The following KLHDC4 variants were observed in gnomAD, a reference collection of about 807,000 sequenced individuals.
The protein encoded by KLHDC4 is kelch domain containing 4, also known as kelch domain-containing protein 4.
A neutral mutation model predicts 62.4 loss-of-function variants in KLHDC4; 90 were observed. That is an observed-to-expected ratio of 1.44 (90% CI 1.22 to 1.72). The LOEUF (loss-of-function observed/expected upper bound fraction) is 1.72. Ranked by LOEUF, KLHDC4 falls within the 40% of genes most tolerant of loss-of-function variation. The pLI is 0.00. For missense variants in KLHDC4, 1,025 were observed against 699.7 expected, an observed-to-expected ratio of 1.47 and a Z score of -5.25; for synonymous variants, 386 against 284.4, an observed-to-expected ratio of 1.36 and a Z score of -3.59.
downstream of KLHDC4, among the ~76,000 whole-genome samples, chr16:87,706,008 A>G (rs544990422): frequency 4.5e-4 from 67 of 148,160 alleles, no homozygotes; most frequent in Non-Finnish European, 7.2e-4. Flanking sequence ...TGCAGCTCTC[A>G]GGGGGTTGGC....
chr16:87,747,253 A>G (rs1470605838), intron 5 of KLHDC4, among the ~76,000 whole-genome samples: 1 of 151,780 alleles, frequency 6.6e-6, no homozygotes, highest in Non-Finnish European at 1.5e-5. Context: ...GCATTCTATC[A>G]CAGAGACTTC....
At chr16:87,760,743 A>G (rs1457502697) in intron 2 of KLHDC4, among the ~76,000 whole-genome samples, 2 of 151,838 alleles carry the variant, frequency 1.3e-5, no homozygotes, top group Non-Finnish European at 2.9e-5. Context: ...ATGAAAATGT[A>G]CATTTACAGC....
At chr16:87,731,979 G>T (rs939906916) in intron 5 of KLHDC4, among the ~76,000 whole-genome samples, 1 of 152,212 alleles carries the variant, frequency 6.6e-6, no homozygotes, top group African/African-American at 2.4e-5. Flanking sequence ...GGTGAGATCC[G>T]TCTTCGGCCC....
At chr16:87,706,875 G>A (rs1349823261), downstream of KLHDC4, among the ~76,000 whole-genome samples, 2 of 152,200 alleles carry the variant, frequency 1.3e-5, no homozygotes, top group African/African-American at 2.4e-5. Flanking sequence ...CAAGGGAGCG[G>A]GGAGGTGCTC....
downstream of KLHDC4, among the ~76,000 whole-genome samples, chr16:87,706,370 T>G (rs1185181511): frequency 4.1e-5 from 2 of 48,884 alleles, no homozygotes; most frequent in African/African-American, 1.6e-4. Context: ...CTGCAGCCCT[T>G]GGGGGGGTCG....
chr16:87,704,651 G>A (rs1567634153), downstream of KLHDC4, among the ~76,000 whole-genome samples: 1 of 152,104 alleles, frequency 6.6e-6, no homozygotes. Flanking sequence ...GGGCATCTTG[G>A]TATTTGGTCC....
At chr16:87,722,460 C>T (rs932432812) in intron 7 of KLHDC4, among the ~76,000 whole-genome samples, 2 of 151,316 alleles carry the variant, frequency 1.3e-5, no homozygotes, top group Admixed American at 1.3e-4. Flanking sequence ...TGAACCCGAG[C>T]TCTTCACATG....
chr16:87,753,022 C>CA (rs756870505), intron 4 of KLHDC4, among the ~76,000 whole-genome samples: 1 of 152,228 alleles, frequency 6.6e-6, no homozygotes, highest in Non-Finnish European at 1.5e-5. Context: ...CCAGCCCCTG[C>CA]AGGCAGCTCC....
chr16:87,756,549 C>G (rs2044949849), intron 2 of KLHDC4, 72 bp from the exon 3 acceptor site: 2 of 1,094,558 alleles, frequency 1.8e-6, no homozygotes, highest in Middle Eastern at 2.0e-4. Context: ...CCCTTCCTCA[C>G]AGAATCCTCT....
chr16:87,701,743 G>GCTC, exon 1 of KLHDC4: 1 of 456,718 alleles, frequency 2.2e-6, no homozygotes, highest in Non-Finnish European at 4.4e-6. Flanking sequence ...GGCCTATGCC[G>GCTC]CCCGCCCGTC....
chr16:87,749,410 C>T (rs917666824), intron 4 of KLHDC4, among the ~76,000 whole-genome samples: 2 of 151,960 alleles, frequency 1.3e-5, no homozygotes, highest in East Asian at 1.9e-4. Context: ...AAACATTAGC[C>T]GGGCATGGTG....
At chr16:87,716,387 G>T (rs1036059967) in intron 7 of KLHDC4, among the ~76,000 whole-genome samples, 1 of 152,152 alleles carries the variant, frequency 6.6e-6, no homozygotes, top group Admixed American at 6.5e-5. Context: ...CGCAGAGTTC[G>T]GCTATGCTCT....
At chr16:87,741,788 A>G (rs1258003314) in intron 5 of KLHDC4, among the ~76,000 whole-genome samples, 1 of 152,124 alleles carries the variant, frequency 6.6e-6, no homozygotes, top group Admixed American at 6.5e-5. Flanking sequence ...CTGAATCCAG[A>G]CTCCCTGCGC....
intron 5 of KLHDC4, among the ~76,000 whole-genome samples, chr16:87,748,298 G>C (rs2043345694): frequency 1.3e-5 from 2 of 152,192 alleles, no homozygotes; most frequent in South Asian, 2.1e-4. Flanking sequence ...GAAAGAACGT[G>C]CCTTTTAGTC....
chr16:87,705,787 G>A (rs976477293), downstream of KLHDC4, among the ~76,000 whole-genome samples: 1 of 152,258 alleles, frequency 6.6e-6, no homozygotes, highest in African/African-American at 2.4e-5. Context: ...GCCGGGCAGG[G>A]CCTGGGCGGG....
chr16:87,707,820 C>CA lies in KLHDC4; in HGVS notation c.*256dup, dbSNP rs1360778287. On this transcript the variant is annotated 3_prime_UTR_variant, in exon 12 of 12. Transcript: ENST00000270583. ...GACACCCTCCGCGGTGGTCTTGTTT[C>CA]AAGTCCAATTTATTTCACACAACAC... 2 of 390,858 alleles carry CA rather than the reference C, an allele frequency of 5.1e-6. No individual in the cohort carries two copies. The highest frequency in any genetic ancestry group is 4.1e-5 in the African/African-American group (2 of 48,352). The allele number at this position is 390,858 out of a possible 1,614,324, so 24.2% of individuals were successfully genotyped here. A position where few individuals can be genotyped will look rare whatever the true frequency, so the allele number is the denominator to read the frequency against.
intron 7 of KLHDC4, among the ~76,000 whole-genome samples, chr16:87,718,833 C>G (rs1022514125): frequency 1.1e-4 from 16 of 151,444 alleles, no homozygotes; most frequent in Admixed American, 9.8e-4. Flanking sequence ...GCCTCTGCCC[C>G]GCCGCCCCGT....
At chr16:87,725,608 C>A (rs374790576) in intron 7 of KLHDC4, among the ~76,000 whole-genome samples, 3 of 152,182 alleles carry the variant, frequency 2.0e-5, no homozygotes, top group Non-Finnish European at 4.4e-5. Context: ...CTACTTCATA[C>A]CTCTCAGATT....
intron 5 of KLHDC4, among the ~76,000 whole-genome samples, chr16:87,739,327 ACAGCATCTCATCCATCCACACAC>A (rs1567760719): frequency 0.018 from 934 of 53,326 alleles, 9 homozygotes; most frequent in East Asian, 0.033. Flanking sequence ...CATCCACACA[ACAGCATCTCATCCATCCACACAC>A]CAGCATCTCA....
Sources: gnomAD v4.1 joint callset for allele counts (sites outside exome capture counted in the v4.1 genomes callset) on GRCh38, gnomAD v4.1.1 for gene constraint, MANE v1.5 for transcripts, NCBI Gene and HGNC (gene_info 2026-07-23, HGNC 2026-07-21) for gene names.